The following RARB variants were observed in gnomAD, a reference collection of about 807,000 sequenced individuals.
RARB encodes retinoic acid receptor beta.
In RARB, 17 loss-of-function variants were observed where a neutral mutation model predicts 51.9. That is an observed-to-expected ratio of 0.33 (90% confidence interval 0.22 to 0.49). The LOEUF (loss-of-function observed/expected upper bound fraction) is 0.49. RARB is among the 20% of genes least tolerant of loss of function. The pLI is 0.99. For missense variants in RARB, 369 were observed against 550.8 expected, an observed-to-expected ratio of 0.67 and a Z score of 3.30; for synonymous variants, 215 against 195.4, an observed-to-expected ratio of 1.10 and a Z score of -0.84.
intron 2 of RARB, among the ~76,000 whole-genome samples, chr3:24,916,767 C>CAAAAAA (rs386396164): frequency 2.7e-4 from 30 of 112,770 alleles, no homozygotes; most frequent in African/African-American, 9.0e-4. Context: ...GTTTGCTGTT[C>CAAAAAA]AAAAAAAAAA....
At chr3:25,259,508 A>C (rs1702946529) in intron 5 of RARB, among the ~76,000 whole-genome samples, 1 of 152,166 alleles carries the variant, frequency 6.6e-6, no homozygotes, top group East Asian at 1.9e-4. Flanking sequence ...AAGGTAACCT[A>C]GGAACCTACC....
At chr3:24,948,810 T>C (rs1458874331) in intron 2 of RARB, among the ~76,000 whole-genome samples, 1 of 152,204 alleles carries the variant, frequency 6.6e-6, no homozygotes, top group African/African-American at 2.4e-5. Context: ...CTTGCTTCCC[T>C]TCTTGTCATG....
At chr3:25,064,182 C>A (rs1575142899) in intron 3 of RARB, among the ~76,000 whole-genome samples, 1 of 152,084 alleles carries the variant, frequency 6.6e-6, no homozygotes, top group East Asian at 1.9e-4. Flanking sequence ...GATATGAGAA[C>A]TGGAGTTTTA....
intron 3 of RARB, among the ~76,000 whole-genome samples, chr3:25,068,017 A>T (rs1242816610): frequency 1.3e-5 from 2 of 151,346 alleles, no homozygotes; most frequent in Non-Finnish European, 2.9e-5. Flanking sequence ...CACACCTGTA[A>T]TGCCAGCTAC....
At chr3:25,156,134 C>G (rs1242298806) in intron 4 of RARB, among the ~76,000 whole-genome samples, 1 of 152,202 alleles carries the variant, frequency 6.6e-6, no homozygotes, top group Non-Finnish European at 1.5e-5. Flanking sequence ...AATAGATAAT[C>G]AGATCCTCAG....
chr3:25,510,552 GGAGGCA>G, intron 3 of RARB, among the ~76,000 whole-genome samples: 1 of 152,134 alleles, frequency 6.6e-6, no homozygotes, highest in Non-Finnish European at 1.5e-5. Context: ...CATGAACCCA[GGAGGCA>G]GAGGCTGCAT....
At chr3:25,409,509 G>A (rs7630496) in intron 5 of RARB, among the ~76,000 whole-genome samples, 94,394 of 151,808 alleles carry the variant, frequency 0.62, 29,624 homozygotes, top group East Asian at 0.81. Flanking sequence ...ACCTTCTCCG[G>A]TCACCTTGAA....
chr3:25,521,668 C>A (rs1698405610), intron 3 of RARB, among the ~76,000 whole-genome samples: 1 of 152,082 alleles, frequency 6.6e-6, no homozygotes, highest in Non-Finnish European at 1.5e-5. Context: ...AATGTGACAC[C>A]TAGGGGCCAG....
intron 5 of RARB, among the ~76,000 whole-genome samples, chr3:25,392,003 C>T (rs947671808): frequency 6.6e-6 from 1 of 152,142 alleles, no homozygotes; most frequent in African/African-American, 2.4e-5. Context: ...ATGTTATCTT[C>T]TAGAATTTTT....
At chr3:25,426,884 C>G (rs1456385699), upstream of RARB, among the ~76,000 whole-genome samples, 1 of 152,124 alleles carries the variant, frequency 6.6e-6, no homozygotes, top group Non-Finnish European at 1.5e-5. Flanking sequence ...TGTTTTAGGA[C>G]TGGCTGGAAA....
chr3:25,143,674 C>T (rs574701682), intron 4 of RARB, among the ~76,000 whole-genome samples: 1 of 152,300 alleles, frequency 6.6e-6, no homozygotes, highest in South Asian at 2.1e-4. Context: ...AACCACCCAA[C>T]TTTTAGACTT....
chr3:25,377,975 A>G (rs1351262542), intron 5 of RARB, among the ~76,000 whole-genome samples: 1 of 152,176 alleles, frequency 6.6e-6, no homozygotes, highest in African/African-American at 2.4e-5. Flanking sequence ...AAATTCAAAA[A>G]TATTTGTTAG....
At chr3:25,058,211 G>A (rs568341133) in intron 2 of RARB, among the ~76,000 whole-genome samples, 1 of 151,964 alleles carries the variant, frequency 6.6e-6, no homozygotes, top group South Asian at 2.1e-4. Flanking sequence ...GGCAGTATAG[G>A]TAAAGAAGGT....
At position 24,840,798 on chromosome 3, in the gene RARB, G is replaced by A. The variant is rs546881033; in HGVS notation, c.-459+11395G>A. The stretch of plus-strand genomic sequence containing the variant: ...AGATGACTTGGAGCACAAATGTAAA[G>A]ATAACATTGAGCACAACCACTTCCA... On this transcript the variant is annotated intron_variant, in intron 1 of 11. Transcript: ENST00000383772. Among the ~76,000 whole-genome samples, 80 of 124,236 alleles carry A rather than the reference G, an allele frequency of 6.4e-4. 3 individuals carry two copies. The South Asian group carries it at 0.017, about 27-fold the overall frequency. The allele number at this position is 124,236 out of a possible 152,430, so 81.5% of individuals were successfully genotyped here. A position where few individuals can be genotyped will look rare whatever the true frequency, so the allele number is the denominator to read the frequency against.
intron 1 of RARB, among the ~76,000 whole-genome samples, chr3:24,855,487 G>A (rs1318831777): frequency 1.3e-5 from 2 of 152,078 alleles, no homozygotes; most frequent in Non-Finnish European, 2.9e-5. Flanking sequence ...TGATCTTTTT[G>A]GACCTCAGCT....
At chr3:25,068,822 G>A (rs1430006167) in intron 3 of RARB, among the ~76,000 whole-genome samples, 1 of 151,814 alleles carries the variant, frequency 6.6e-6, no homozygotes, top group African/African-American at 2.4e-5. Flanking sequence ...GGGAAGAGCG[G>A]CTTATCTTCA....
At chr3:25,227,346 G>A (rs1284324930) in intron 5 of RARB, among the ~76,000 whole-genome samples, 1 of 152,162 alleles carries the variant, frequency 6.6e-6, no homozygotes, top group Non-Finnish European at 1.5e-5. Flanking sequence ...GAATTTATTT[G>A]ATGTTCATTA....
In RARB at chr3:25,206,650, A is replaced by G. The variant is rs1432707728; in HGVS notation, c.178+32075A>G. Among the ~76,000 whole-genome samples the G allele has an allele frequency of 2.6e-5, 4 of 152,294 alleles. No homozygotes were observed. In the East Asian group the frequency reaches 5.8e-4, roughly 22 times the overall value. ...ACAAGTCAATTACAGAGTTAACAGT[A>G]TTTGCATGAAATACAGTAGCTCAAT... On this transcript the variant is annotated intron_variant, in intron 5 of 11. Transcript: ENST00000383772.
intron 2 of RARB, among the ~76,000 whole-genome samples, chr3:25,006,615 C>T (rs1575115634): frequency 6.6e-6 from 1 of 152,078 alleles, no homozygotes; most frequent in East Asian, 1.9e-4. Context: ...AGTGGTGAGG[C>T]AAACAAGTAA....
Sources: allele counts gnomAD v4.1 joint callset (sites outside exome capture counted in the v4.1 genomes callset), GRCh38; gene constraint gnomAD v4.1.1; transcripts MANE v1.5; gene names NCBI Gene and HGNC (gene_info 2026-07-23, HGNC 2026-07-21).